The following FAM171B variants were observed in gnomAD, a reference collection of about 807,000 sequenced individuals.
The protein encoded by FAM171B is protein FAM171B.
FAM171B carries 19 observed loss-of-function variants against 75.6 expected under a neutral mutation model. The observed-to-expected ratio is 0.25, with a 90% CI of 0.18 to 0.37. The LOEUF (loss-of-function observed/expected upper bound fraction) is 0.37, where lower values mean the gene tolerates loss of function less well. Ranked by LOEUF, FAM171B falls within the 10% of genes least tolerant of loss-of-function variation. FAM171B has a pLI of 1.00. For missense variants in FAM171B, 848 were observed against 982.4 expected, an observed-to-expected ratio of 0.86 and a Z score of 1.83; for synonymous variants, 367 against 361.7, an observed-to-expected ratio of 1.01 and a Z score of -0.17.
intron 1 of FAM171B, among the ~76,000 whole-genome samples, chr2:186,713,749 A>G (rs1027284552): frequency 1.3e-5 from 2 of 152,236 alleles, no homozygotes; most frequent in East Asian, 1.9e-4. Context: ...CCTAGAAACA[A>G]TATTGTCTTT....
chr2:186,755,901 G>A (rs531561646), intron 6 of FAM171B, among the ~76,000 whole-genome samples: 4 of 152,252 alleles, frequency 2.6e-5, no homozygotes, highest in African/African-American at 9.6e-5. Flanking sequence ...TGCTTTTCAT[G>A]ATGCAAAATA....
intron 4 of FAM171B, among the ~76,000 whole-genome samples, chr2:186,749,533 A>G (rs937096270): frequency 2.6e-4 from 40 of 152,196 alleles, no homozygotes; most frequent in African/African-American, 9.4e-4. Context: ...CTCATTTAAT[A>G]TTTGTCTTTC....
chr2:186,748,310 C>CTTT (rs74268937), intron 4 of FAM171B, among the ~76,000 whole-genome samples: 3 of 140,724 alleles, frequency 2.1e-5, no homozygotes, highest in African/African-American at 7.9e-5. Context: ...CTGATAGTTT[C>CTTT]TTTTTTTTTT....
chr2:186,752,556 G>C (rs936480707), intron 5 of FAM171B, among the ~76,000 whole-genome samples: 5 of 152,046 alleles, frequency 3.3e-5, no homozygotes, highest in African/African-American at 1.2e-4. Flanking sequence ...TTCCTGATTT[G>C]TTGAATGAGG....
chr2:186,744,594 C>T (rs1313581034), intron 3 of FAM171B, among the ~76,000 whole-genome samples: 2 of 152,182 alleles, frequency 1.3e-5, no homozygotes, highest in Non-Finnish European at 2.9e-5. Context: ...ATGGCACAAT[C>T]TCAGCTCACT....
chr2:186,736,104 TCAGA>T lies in FAM171B; in HGVS notation c.239-4118_239-4115del, dbSNP rs113120323. On this transcript the variant is annotated intron_variant, in intron 1 of 7. Coordinates refer to ENST00000304698, the MANE Select transcript of FAM171B (RefSeq NM_177454.4). ...ATTGTTGTTCAGGAAATTCAGTGTT[TCAGA>T]CAGACTAATGGAACCTCATTTTAAG... Among the ~76,000 whole-genome samples the T allele has an allele frequency of 8.6e-3, 1,303 of 152,324 alleles. 20 individuals are homozygous for T. The highest frequency in any genetic ancestry group is 0.03 in the African/African-American group (1,238 of 41,576).
At chr2:186,739,616 C>T (rs1484615482) in intron 1 of FAM171B, among the ~76,000 whole-genome samples, 1 of 152,156 alleles carries the variant, frequency 6.6e-6, no homozygotes, top group Non-Finnish European at 1.5e-5. Context: ...ACTGGAAGGT[C>T]TTCAGGGGCA....
At position 186,747,223 on chromosome 2, in the gene FAM171B, A is replaced by G; in HGVS notation, c.697A>G (p.Thr233Ala). Residue 233 changes from threonine (T) to alanine (A), a missense_variant, in exon 4 of 8, where the codon ACA becomes GCA. Around this residue, in one of 3 missense-constraint regions of FAM171B, gnomAD observed 665 missense variants for 729.0 expected, o/e 0.91. Transcript: ENST00000304698. ...QFLKVDNFLH[T>A]TGITLNKPGF... ...TTTGAAAGTGGACAATTTTCTGCATACAACTGGAATTACTCTCAATAAACC... is the reference window on the plus strand; with the variant it reads ...TTTGAAAGTGGACAATTTTCTGCATGCAACTGGAATTACTCTCAATAAACC... 6.2e-7 allele frequency: 1 copy of G among 1,604,060 alleles called. No individual in the cohort carries two copies. Among genetic ancestry groups the G allele is most frequent in the South Asian group, 1.1e-5 (1 of 88,064 alleles).
At position 186,694,431 on chromosome 2, in the gene FAM171B, C is replaced by A. The variant is rs1689546494; in HGVS notation, c.238+20C>A. The A allele has an allele frequency of 5.6e-6, 9 of 1,599,760 alleles. No individual in the cohort carries two copies. The highest frequency in any genetic ancestry group is 8.5e-7 in the Non-Finnish European group (1 of 1,171,448). On this transcript the variant is annotated intron_variant, in intron 1 of 7. Transcript: ENST00000304698. ...TTCCAGGTAGGTCCTGGCTGCCCAG[C>A]CCGGTCTTTCAGTCTCGGCCGGCGA...
intron 4 of FAM171B, among the ~76,000 whole-genome samples, chr2:186,750,082 T>A (rs1201922683): frequency 2.0e-5 from 3 of 152,218 alleles, no homozygotes; most frequent in African/African-American, 7.2e-5. Context: ...ATTTGTTAAA[T>A]GAATGAACAA....
intron 4 of FAM171B, among the ~76,000 whole-genome samples, chr2:186,749,900 T>C (rs1690424608): frequency 6.6e-6 from 1 of 152,058 alleles, no homozygotes; most frequent in African/African-American, 2.4e-5. Flanking sequence ...TAGATTATCA[T>C]GCACTTACAT....
At chr2:186,752,604 G>C (rs916586426) in intron 5 of FAM171B, among the ~76,000 whole-genome samples, 2 of 152,140 alleles carry the variant, frequency 1.3e-5, no homozygotes, top group South Asian at 2.1e-4. Context: ...AATATCTGCT[G>C]TTTGAGTCCT....
chr2:186,764,312 T>G lies in FAM171B; in HGVS notation c.*1489T>G, dbSNP rs1039973808. On this transcript the variant is annotated 3_prime_UTR_variant, in exon 8 of 8. Transcript: ENST00000304698. ...TAGCTTCAGTAAAATTATAGCTAGA[T>G]GTGCAATTTTTTCCTCCAACTTCTA... is the stretch of plus-strand genomic sequence containing the variant. 3.3e-5 allele frequency: 5 copies of G among 151,992 alleles called. No individual in the cohort carries two copies. The highest frequency in any genetic ancestry group is 7.4e-5 in the Non-Finnish European group (5 of 67,928). The allele number at this position is 151,992 out of a possible 1,614,324, so 9.4% of individuals were successfully genotyped here. A position where few individuals can be genotyped will look rare whatever the true frequency, so the allele number is the denominator to read the frequency against.
chr2:186,732,599 T>G (rs1247954315), intron 1 of FAM171B, among the ~76,000 whole-genome samples: 3 of 152,166 alleles, frequency 2.0e-5, no homozygotes, highest in African/African-American at 4.8e-5. Context: ...AGCAGGCAAC[T>G]TGAGATTCAA....
chr2:186,761,811 G>A lies in FAM171B; in HGVS notation c.1469G>A (p.Gly490Glu). ...ACACAGTCTTTGGAGCCCAATGTAG[G>A]GTCCAAACAACCTAAACATATTAAC... is the stretch of plus-strand genomic sequence containing the variant. ...NPTQSLEPNVGSKQPKHINNN... is the reference protein window; with the variant it reads ...NPTQSLEPNVESKQPKHINNN... The change falls in exon 8 of 8, where the codon GGG (glycine) becomes GAG (glutamate). Residue 490 changes from glycine to glutamate, a missense_variant. By Grantham distance (98) the Gly-to-Glu change is moderately conservative. Transcript: ENST00000304698. 6.2e-7 allele frequency: 1 copy of A among 1,613,062 alleles called. No individual in the cohort carries two copies. Among genetic ancestry groups the A allele is most frequent in the Non-Finnish European group, 8.5e-7 (1 of 1,179,744 alleles).
intron 1 of FAM171B, among the ~76,000 whole-genome samples, chr2:186,723,279 A>T (rs1037336061): frequency 1.3e-5 from 2 of 152,220 alleles, no homozygotes; most frequent in Non-Finnish European, 2.9e-5. Flanking sequence ...TGTCTCTCTC[A>T]TATAGTTTTA....
At chr2:186,757,472 A>G (rs1690549399) in intron 6 of FAM171B, among the ~76,000 whole-genome samples, 1 of 152,158 alleles carries the variant, frequency 6.6e-6, no homozygotes, top group African/African-American at 2.4e-5. Context: ...ATGTATTACT[A>G]TAAAATCAAA....
intron 4 of FAM171B, among the ~76,000 whole-genome samples, chr2:186,748,736 A>G (rs901154600): frequency 6.6e-6 from 1 of 152,150 alleles, no homozygotes; most frequent in African/African-American, 2.4e-5. Flanking sequence ...GCTTCCTGGG[A>G]TTACTTACCA....
chr2:186,712,326 T>C (rs2105775268), intron 1 of FAM171B, among the ~76,000 whole-genome samples: 1 of 152,318 alleles, frequency 6.6e-6, no homozygotes, highest in African/African-American at 2.4e-5. Context: ...CCATAGTATG[T>C]CCCAACATAT....
Sources: allele counts gnomAD v4.1 joint callset (sites outside exome capture counted in the v4.1 genomes callset), GRCh38; gene constraint gnomAD v4.1.1; regional missense constraint gnomAD v4.1.1; transcripts MANE v1.5; gene names NCBI Gene and HGNC (gene_info 2026-07-23, HGNC 2026-07-21).